Variants in GMDS observed in about 807,000 individuals in gnomAD.
GMDS encodes GDP-mannose 4,6-dehydratase.
Under a neutral mutation model 49.9 loss-of-function variants are expected in GMDS, and 20 were observed. The ratio of observed to expected loss-of-function variants is 0.40; its 90% CI spans 0.28 to 0.58. The LOEUF (loss-of-function observed/expected upper bound fraction) is 0.58. GMDS is among the 20% of genes least tolerant of loss of function. The pLI is 0.42. For synonymous variants in GMDS, 177 were observed against 178.6 expected (o/e 0.99, Z 0.07); for missense variants, 362 against 481.4 (o/e 0.75, Z 2.32).
At chr6:1,977,566 G>C (rs936707494) in intron 4 of GMDS, among the ~76,000 whole-genome samples, 2 of 152,162 alleles carry the variant, frequency 1.3e-5, no homozygotes, top group Admixed American at 6.5e-5. Flanking sequence ...GAAATACCTA[G>C]GTTATCGCAT....
At chr6:1,953,249 G>A (rs1267564577) in intron 6 of GMDS, among the ~76,000 whole-genome samples, 11 of 152,194 alleles carry the variant, frequency 7.2e-5, no homozygotes, top group African/African-American at 2.2e-4. Context: ...AACCGAGGCT[G>A]CTGTTCTTAG....
At chr6:1,841,840 T>C (rs1329048807) in intron 7 of GMDS, among the ~76,000 whole-genome samples, 1 of 152,216 alleles carries the variant, frequency 6.6e-6, no homozygotes, top group Non-Finnish European at 1.5e-5. Flanking sequence ...ACCACTTGAC[T>C]GCTTTCTTCT....
intron 1 of GMDS, among the ~76,000 whole-genome samples, chr6:2,210,392 C>T (rs1373771942): frequency 6.6e-6 from 1 of 152,162 alleles, no homozygotes; most frequent in Non-Finnish European, 1.5e-5. Flanking sequence ...TTAAGAAAAC[C>T]TGTAGTGGTC....
chr6:1,705,333 T>C (rs534884289), intron 9 of GMDS, among the ~76,000 whole-genome samples: 1 of 152,302 alleles, frequency 6.6e-6, no homozygotes, highest in Non-Finnish European at 1.5e-5. Context: ...AGGTGGACAT[T>C]TGCCCTGTGC....
At position 1,726,514 on chromosome 6, in the gene GMDS, T is replaced by C; in HGVS notation, c.891-2A>G. ...TCATTTTCATTCTTTCCTTCCCACC[T>C]GTAAGGAAGATAAACACTGAATCAG... On this transcript the variant is annotated splice_acceptor_variant, in intron 8 of 10. Coordinates refer to ENST00000380815, the MANE Select transcript of GMDS (RefSeq NM_001500.4). LOFTEE classifies it high-confidence loss of function. 2 of 1,597,196 alleles carry C rather than the reference T, an allele frequency of 1.3e-6. No individual in the cohort carries two copies. Among genetic ancestry groups the C allele is most frequent in the Non-Finnish European group, 1.7e-6 (2 of 1,164,436 alleles).
intron 9 of GMDS, among the ~76,000 whole-genome samples, chr6:1,629,240 A>G (rs544238430): frequency 9.2e-5 from 14 of 152,334 alleles, no homozygotes; most frequent in Admixed American, 5.9e-4. Flanking sequence ...TCCTTCCCAA[A>G]GAGGGAGCGA....
chr6:2,127,408 TAAA>T (rs3839607), intron 1 of GMDS, among the ~76,000 whole-genome samples: 2 of 149,748 alleles, frequency 1.3e-5, no homozygotes, highest in Admixed American at 6.6e-5. Context: ...ATTAAATGTT[TAAA>T]AAAAAAAAAG....
intron 4 of GMDS, among the ~76,000 whole-genome samples, chr6:2,046,485 G>T (rs1274789719): frequency 6.6e-6 from 1 of 151,978 alleles, no homozygotes; most frequent in African/African-American, 2.4e-5. Context: ...TTGGACACAG[G>T]GTCTCACTCT....
At chr6:2,166,733 A>G (rs1377517727) in intron 1 of GMDS, among the ~76,000 whole-genome samples, 1 of 152,224 alleles carries the variant, frequency 6.6e-6, no homozygotes, top group Non-Finnish European at 1.5e-5. Context: ...TTCTGCTGTG[A>G]TAAATCACTC....
intron 6 of GMDS, among the ~76,000 whole-genome samples, chr6:1,944,669 CAAAAAAAAA>C (rs56229524): frequency 1.5e-4 from 15 of 101,160 alleles, no homozygotes; most frequent in African/African-American, 2.6e-4. Context: ...GACTCCGTCT[CAAAAAAAAA>C]AAAAAAAAAA....
chr6:1,921,606 A>G (rs1370029870), intron 7 of GMDS, among the ~76,000 whole-genome samples: 1 of 152,244 alleles, frequency 6.6e-6, no homozygotes, highest in Non-Finnish European at 1.5e-5. Flanking sequence ...CAGATCAGGA[A>G]AATGGTTTTT....
At chr6:1,681,575 T>G (rs1436237237) in intron 9 of GMDS, among the ~76,000 whole-genome samples, 1 of 152,126 alleles carries the variant, frequency 6.6e-6, no homozygotes, top group Non-Finnish European at 1.5e-5. Context: ...AGGGAAGGCC[T>G]CCGGTGGAGA....
chr6:1,980,931 C>T (rs1353813867), intron 4 of GMDS, among the ~76,000 whole-genome samples: 2 of 152,176 alleles, frequency 1.3e-5, no homozygotes, highest in Non-Finnish European at 2.9e-5. Flanking sequence ...ACACCTGCTC[C>T]TTAATGACTC....
chr6:2,201,416 T>C (rs1779528026), intron 1 of GMDS, among the ~76,000 whole-genome samples: 1 of 101,518 alleles, frequency 9.9e-6, no homozygotes, highest in South Asian at 4.2e-4. Flanking sequence ...GAGGGCAGCA[T>C]GTTAGCAGAG....
At chr6:1,952,301 A>G (rs1157100823) in intron 6 of GMDS, among the ~76,000 whole-genome samples, 1 of 152,200 alleles carries the variant, frequency 6.6e-6, no homozygotes. Context: ...AAATAGAGAA[A>G]AATAGAAGTA....
At chr6:1,740,225 G>T (rs1479009448) in intron 8 of GMDS, among the ~76,000 whole-genome samples, 1 of 152,200 alleles carries the variant, frequency 6.6e-6, no homozygotes, top group African/African-American at 2.4e-5. Context: ...ATTAATGAGA[G>T]TGGCAGATAT....
At position 1,852,933 on chromosome 6, in the gene GMDS, C is replaced by T. The variant is rs1247160480; in HGVS notation, c.771+77170G>A. ...GTTGGTCAGGCTGGTCTCGAACTCC[C>T]GACCTCAGGTGATCCGCCTCAGCCT... On this transcript the variant is annotated intron_variant, in intron 7 of 10. Coordinates refer to ENST00000380815, the MANE Select transcript of GMDS (RefSeq NM_001500.4). 3.3e-5 allele frequency among the ~76,000 whole-genome samples: 5 copies of T among 151,720 alleles called. No individual in the cohort carries two copies. The East Asian group carries it at 5.9e-4, about 18-fold the overall frequency.
chr6:2,164,620 C>T (rs1209451431), intron 1 of GMDS, among the ~76,000 whole-genome samples: 1 of 152,202 alleles, frequency 6.6e-6, no homozygotes, highest in Non-Finnish European at 1.5e-5. Flanking sequence ...CCACACATCC[C>T]CATCCCAACT....
At chr6:1,796,648 C>A (rs1016185842) in intron 7 of GMDS, among the ~76,000 whole-genome samples, 1 of 152,172 alleles carries the variant, frequency 6.6e-6, no homozygotes, top group Non-Finnish European at 1.5e-5. Flanking sequence ...ACACTTGCTC[C>A]ATTAGCAACA....
Sources: allele counts gnomAD v4.1 joint callset (sites outside exome capture counted in the v4.1 genomes callset), GRCh38; gene constraint gnomAD v4.1.1; transcripts MANE v1.5; gene names NCBI Gene and HGNC (gene_info 2026-07-23, HGNC 2026-07-21).